SMARCA2: variants seen among roughly 807,000 people sequenced by gnomAD.
SMARCA2 encodes the protein SWI/SNF related BAF chromatin remodeling complex subunit ATPase 2, also known as SWI/SNF-related matrix-associated actin-dependent regulator of chromatin subfamily A member 2.
Under a neutral mutation model 199.8 loss-of-function variants are expected in SMARCA2, and 61 were observed. That is an observed-to-expected ratio of 0.31 (90% CI 0.25 to 0.38). SMARCA2 has a LOEUF of 0.38. Among genes scored for constraint, SMARCA2 ranks in the 10% least tolerant of loss-of-function variants. SMARCA2 has a pLI of 1.00. For synonymous variants in SMARCA2, 935 were observed against 732.0 expected, an observed-to-expected ratio of 1.28 and a Z score of -4.48; for missense variants, 1,344 against 2,012.2, an observed-to-expected ratio of 0.67 and a Z score of 6.35.
In SMARCA2 at chr9:2,191,436, C is replaced by T. The variant is rs561535654; in HGVS notation, c.4737+28C>T. On this transcript the variant is annotated intron_variant, in intron 33 of 33. Coordinates refer to ENST00000349721, the MANE Select transcript of SMARCA2 (RefSeq NM_003070.5). ...AAGTGTAGCCGACTGGGACTGAAGGCGGAGACGCCCTCTCCCCTGCTTGCT... is the reference window on the plus strand; with the variant it reads ...AAGTGTAGCCGACTGGGACTGAAGGTGGAGACGCCCTCTCCCCTGCTTGCT... 6.5e-5 allele frequency: 105 copies of T among 1,612,036 alleles called. No individual in the cohort carries two copies. In the South Asian group the frequency reaches 8.6e-4, roughly 13 times the overall value.
chr9:2,184,849 CCTCTCT>C (rs57873443), intron 31 of SMARCA2, among the ~76,000 whole-genome samples: 1 of 151,048 alleles, frequency 6.6e-6, no homozygotes, highest in East Asian at 1.9e-4. Flanking sequence ...ATGGTCCCAT[CCTCTCT>C]CTCTCTCGCG....
intron 21 of SMARCA2, among the ~76,000 whole-genome samples, chr9:2,099,108 A>G (rs1822396087): frequency 6.6e-6 from 1 of 152,194 alleles, no homozygotes. Context: ...AACAGGGGTA[A>G]TAATAGATTA....
At chr9:2,142,513 C>A (rs1192305719) in intron 27 of SMARCA2, among the ~76,000 whole-genome samples, 1 of 152,156 alleles carries the variant, frequency 6.6e-6, no homozygotes, top group Admixed American at 6.5e-5. Flanking sequence ...TGTGTAACTT[C>A]AGCAAGGGTG....
Position 2,110,567 on chromosome 9 carries a change from A to G in SMARCA2, c.3456+150A>G, listed in dbSNP as rs187801094. On this transcript the variant is annotated intron_variant, in intron 24 of 33. Coordinates refer to ENST00000349721, the MANE Select transcript of SMARCA2 (RefSeq NM_003070.5). This position sits in a 1 kb window ranked among gnomAD's most constrained non-coding sequence, Gnocchi z 4.8. ...AGCCAATTCTTCTGGCTGTTTTCTT[A>G]TCTCCCTTAGAGCATAGATACGAGG... is the stretch of plus-strand genomic sequence containing the variant. 865 of 592,116 alleles carry G rather than the reference A, an allele frequency of 1.5e-3. 5 individuals carry two copies. The highest frequency in any genetic ancestry group is 1.7e-3 in the Non-Finnish European group (630 of 360,462). The allele number at this position is 592,116 out of a possible 1,614,324, so 36.7% of individuals were successfully genotyped here. A position where few individuals can be genotyped will look rare whatever the true frequency, so the allele number is the denominator to read the frequency against.
At chr9:2,089,813 T>A (rs7853358) in intron 19 of SMARCA2, among the ~76,000 whole-genome samples, 8,375 of 152,220 alleles carry the variant, frequency 0.055, 683 homozygotes, top group African/African-American at 0.18. Context: ...TGTGGGTGCC[T>A]TGAATTACTT....
intron 27 of SMARCA2, among the ~76,000 whole-genome samples, chr9:2,134,732 G>C (rs1586740149): frequency 6.6e-6 from 1 of 152,246 alleles, no homozygotes; most frequent in Non-Finnish European, 1.5e-5. Context: ...GATATTAGGA[G>C]GTGGGCCCTT....
rs982180586 is a variant in SMARCA2 at position 2,056,482 on chromosome 9, C to G, written c.1174-190C>G. Among the ~76,000 whole-genome samples the G allele has an allele frequency of 1.3e-5, 2 of 152,026 alleles. No homozygotes were observed. The highest frequency in any genetic ancestry group is 4.8e-5 in the African/African-American group (2 of 41,370). On this transcript the variant is annotated intron_variant, in intron 6 of 33. Transcript: ENST00000349721. The surrounding 1 kb of genome is among the most constrained non-coding windows in gnomAD (Gnocchi z 4.0). ...TTATTTGGGGAGAAAAATCTTGTAC[C>G]GTTCTTGAAAATATTGCATACATTT...
intron 29 of SMARCA2, among the ~76,000 whole-genome samples, chr9:2,174,013 T>C (rs1016679161): frequency 6.6e-6 from 1 of 152,206 alleles, no homozygotes; most frequent in Admixed American, 6.5e-5. Context: ...CTTTGACTCT[T>C]GGTGACTCGA....
intron 26 of SMARCA2, among the ~76,000 whole-genome samples, chr9:2,122,922 T>A (rs1823530056): frequency 6.6e-6 from 1 of 152,222 alleles, no homozygotes; most frequent in Admixed American, 6.5e-5. Context: ...GGCCCTTAGT[T>A]TATTTACAAG....
At chr9:2,085,290 A>G (rs1821752096) in intron 17 of SMARCA2, among the ~76,000 whole-genome samples, 2 of 152,168 alleles carry the variant, frequency 1.3e-5, no homozygotes, top group African/African-American at 2.4e-5. Flanking sequence ...TTTTAAAAAA[A>G]TTCATCTTGT....
At chr9:2,155,904 G>C (rs552879754) in intron 27 of SMARCA2, among the ~76,000 whole-genome samples, 2 of 151,944 alleles carry the variant, frequency 1.3e-5, no homozygotes, top group Non-Finnish European at 2.9e-5. Context: ...AGTGCAGTTG[G>C]CATCCCAGTT....
At chr9:2,077,850 C>T (rs1821394987) in intron 14 of SMARCA2, 74 bp downstream of exon 14, 4 of 1,365,914 alleles carry the variant, frequency 2.9e-6, no homozygotes, top group Non-Finnish European at 3.0e-6. Flanking sequence ...ATGTCGTGCA[C>T]ATGTTGACTA....
chr9:2,121,179 G>A (rs1180918495), intron 26 of SMARCA2, among the ~76,000 whole-genome samples: 1 of 152,192 alleles, frequency 6.6e-6, no homozygotes, highest in Non-Finnish European at 1.5e-5. Context: ...AAGGGGGTGA[G>A]TGTACTTTCC....
rs1359840748 is a variant in SMARCA2, at chr9:2,086,534, C to A, written c.2527-295C>A. On this transcript the variant is annotated intron_variant, in intron 17 of 33. Coordinates refer to ENST00000349721, the MANE Select transcript of SMARCA2 (RefSeq NM_003070.5). The surrounding 1 kb of genome is among the most constrained non-coding windows in gnomAD (Gnocchi z 4.3). ...GCATTGGATGGGGAGAGGCAGGATC[C>A]ACACGTGGAAACAACCATGTCATTC... Among the ~76,000 whole-genome samples, 1 of 152,090 alleles carries A rather than the reference C, an allele frequency of 6.6e-6. No homozygotes were observed. The highest frequency in any genetic ancestry group is 1.9e-4 in the East Asian group (1 of 5,190).
At chr9:2,020,743 C>T (rs150817000) in intron 1 of SMARCA2, among the ~76,000 whole-genome samples, 1 of 152,020 alleles carries the variant, frequency 6.6e-6, no homozygotes. Context: ...ATAAATATAT[C>T]GTCAAAGATG....
At chr9:2,113,300 C>T (rs887755658) in intron 24 of SMARCA2, among the ~76,000 whole-genome samples, 3 of 152,130 alleles carry the variant, frequency 2.0e-5, no homozygotes, top group Admixed American at 6.5e-5. Flanking sequence ...CTCTCATTTC[C>T]AAACTGTTGG....
intron 19 of SMARCA2, among the ~76,000 whole-genome samples, chr9:2,092,400 T>G (rs1184375404): frequency 6.6e-6 from 1 of 152,240 alleles, no homozygotes; most frequent in East Asian, 1.9e-4. Flanking sequence ...ATCATTACTT[T>G]GTTCCTCTCT....
intron 2 of SMARCA2, among the ~76,000 whole-genome samples, chr9:2,029,759 CT>C: frequency 1.3e-5 from 2 of 152,294 alleles, no homozygotes; most frequent in Admixed American, 1.3e-4. Flanking sequence ...ATGCACATTG[CT>C]GTCTCTCTGT....
chr9:2,119,453 C>A lies in SMARCA2; in HGVS notation c.3685-5C>A. ...TGGTTAAAATCACTCTGTTTTTAAC[C>A]CCAGGAAGAAGATGAAGTACCGGAC... On this transcript the variant is annotated splice_region_variant and splice_polypyrimidine_tract_variant and intron_variant, in intron 25 of 33. Transcript: ENST00000349721. The surrounding 1 kb of genome is among the most constrained non-coding windows in gnomAD (Gnocchi z 4.6). 1 of 1,607,464 alleles carries A rather than the reference C, an allele frequency of 6.2e-7. No homozygotes were observed. The highest frequency in any genetic ancestry group is 8.5e-7 in the Non-Finnish European group (1 of 1,174,128).
Sources: allele counts gnomAD v4.1 joint callset (sites outside exome capture counted in the v4.1 genomes callset), GRCh38; gene constraint gnomAD v4.1.1; non-coding constraint Gnocchi (gnomAD v3.1); transcripts MANE v1.5; gene names NCBI Gene and HGNC (gene_info 2026-07-23, HGNC 2026-07-21).